RARB: variants seen among roughly 807,000 people sequenced by gnomAD.
RARB encodes the protein retinoic acid receptor beta.
A neutral mutation model predicts 51.9 loss-of-function variants in RARB; 17 were observed. That is an observed-to-expected ratio of 0.33 (90% confidence interval 0.22 to 0.49). RARB has a LOEUF of 0.49. RARB is among the 20% of genes least tolerant of loss of function. The probability of loss-of-function intolerance (pLI) is 0.99; values close to 1 mark genes in which losing one functional copy is unlikely to be tolerated. For missense variants in RARB, 369 were observed against 550.8 expected, an observed-to-expected ratio of 0.67 and a Z score of 3.30; for synonymous variants, 215 against 195.4, an observed-to-expected ratio of 1.10 and a Z score of -0.84.
chr3:25,299,880 A>G lies in RARB; in HGVS notation c.178+125305A>G, dbSNP rs996393525. On this transcript the variant is annotated intron_variant, in intron 5 of 11. Coordinates refer to the RARB transcript ENST00000383772. ...ATTTGCTTTTGCCCCCTTGCAACTG[A>G]CTGTGGAAAAGTCAAATAATTGCAT... Among the ~76,000 whole-genome samples the G allele has an allele frequency of 2.0e-5, 3 of 152,330 alleles. No individual in the cohort carries two copies. In the East Asian group the frequency reaches 5.8e-4, roughly 29 times the overall value.
intron 1 of RARB, among the ~76,000 whole-genome samples, chr3:25,456,018 C>T (rs1179054568): frequency 6.6e-6 from 1 of 152,180 alleles, no homozygotes; most frequent in Non-Finnish European, 1.5e-5. Flanking sequence ...AGTCTAAAAA[C>T]TGCTTTTTTG....
chr3:25,514,106 A>G lies in RARB; in HGVS notation c.448+12783A>G, dbSNP rs147712736. 1.9e-4 allele frequency among the ~76,000 whole-genome samples: 29 copies of G among 152,302 alleles called. No homozygotes were observed. The East Asian group carries it at 4.8e-3, about 25-fold the overall frequency. On this transcript the variant is annotated intron_variant, in intron 3 of 7. Transcript: ENST00000330688. ...TTCTCCTGCAGTCCCTGTGTTCTGG[A>G]GCAATGAACATGGCCCTTTAAGTAC...
At chr3:24,888,373 CG>C (rs1240807483) in intron 2 of RARB, among the ~76,000 whole-genome samples, 2 of 151,872 alleles carry the variant, frequency 1.3e-5, no homozygotes, top group African/African-American at 2.4e-5. Flanking sequence ...TGGTAGGAGC[CG>C]GGATTTGAAC....
chr3:25,078,261 T>C (rs1378830727), intron 3 of RARB, among the ~76,000 whole-genome samples: 1 of 152,186 alleles, frequency 6.6e-6, no homozygotes, highest in Non-Finnish European at 1.5e-5. Context: ...ATTTTATCTT[T>C]TTATCTCGGG....
chr3:24,860,652 A>G (rs995107696), intron 2 of RARB, among the ~76,000 whole-genome samples: 2 of 152,204 alleles, frequency 1.3e-5, no homozygotes, highest in East Asian at 1.9e-4. Context: ...AGAAGAGAGC[A>G]TTGCATGCAG....
chr3:25,119,249 A>G (rs1358146192), intron 3 of RARB, among the ~76,000 whole-genome samples: 1 of 152,152 alleles, frequency 6.6e-6, no homozygotes, highest in Admixed American at 6.5e-5. Flanking sequence ...TTCTATGGTC[A>G]TCTACTGGCA....
intron 2 of RARB, among the ~76,000 whole-genome samples, chr3:24,953,713 ATTC>A (rs1481846914): frequency 1.3e-5 from 2 of 152,168 alleles, no homozygotes; most frequent in East Asian, 1.9e-4. Context: ...TTCAAAAACA[ATTC>A]TTCTGTCAAA....
intron 3 of RARB, among the ~76,000 whole-genome samples, chr3:25,506,479 G>A (rs1455880045): frequency 6.6e-6 from 1 of 151,784 alleles, no homozygotes; most frequent in Non-Finnish European, 1.5e-5. Context: ...GTGATGGTGT[G>A]GACCTGTGGT....
chr3:24,938,044 GCA>G (rs926492106), intron 2 of RARB, among the ~76,000 whole-genome samples: 2 of 38,458 alleles, frequency 5.2e-5, no homozygotes, highest in Non-Finnish European at 1.0e-4. Flanking sequence ...GCACACATGC[GCA>G]CACACACTCT....
At chr3:25,322,422 C>T (rs182601524) in intron 5 of RARB, among the ~76,000 whole-genome samples, 12 of 152,266 alleles carry the variant, frequency 7.9e-5, no homozygotes, top group Admixed American at 7.8e-4. Flanking sequence ...AAAATATTGA[C>T]TTGACCACAA....
chr3:25,090,381 G>A (rs931259317), intron 3 of RARB, among the ~76,000 whole-genome samples: 73 of 152,028 alleles, frequency 4.8e-4, no homozygotes, highest in African/African-American at 1.7e-3. Flanking sequence ...ATGTTAACTT[G>A]TTTTGCACAA....
chr3:24,917,015 TA>T (rs1460265734), intron 2 of RARB, among the ~76,000 whole-genome samples: 2 of 152,290 alleles, frequency 1.3e-5, no homozygotes, highest in African/African-American at 2.4e-5. Flanking sequence ...CAGATATAAC[TA>T]ATTTATGAAG....
At chr3:25,569,976 G>C (rs1700645049) in intron 4 of RARB, 58 bp downstream of exon 4, 3 of 1,475,936 alleles carry the variant, frequency 2.0e-6, no homozygotes, top group Middle Eastern at 2.0e-4. Flanking sequence ...ACGTGCATGT[G>C]TGCAGACACA....
chr3:25,492,817 C>T (rs1377947726), intron 2 of RARB, among the ~76,000 whole-genome samples: 2 of 152,052 alleles, frequency 1.3e-5, no homozygotes, highest in African/African-American at 4.8e-5. Flanking sequence ...TGAAAGGAGA[C>T]TTTTAGGCCT....
intron 3 of RARB, among the ~76,000 whole-genome samples, chr3:25,122,755 A>T (rs903429380): frequency 1.5e-4 from 23 of 152,166 alleles, no homozygotes; most frequent in African/African-American, 4.8e-4. Context: ...AAGACGGAGG[A>T]TGGATTTTGG....
rs1698077269 is a variant in RARB, at chr3:25,039,845, G to A, written c.-379-20280G>A. ...AGTGGAGAATTGTTGCATAGATTTT[G>A]CAGAAAATTAGACGTGGCCCATGGG... On this transcript the variant is annotated intron_variant, in intron 2 of 11. Coordinates refer to the RARB transcript ENST00000383772. Among the ~76,000 whole-genome samples, 4 of 152,318 alleles carry A rather than the reference G, an allele frequency of 2.6e-5. No individual in the cohort carries two copies. The South Asian group carries it at 8.3e-4, about 32-fold the overall frequency.
At chr3:25,253,300 CCT>C (rs1702776280) in intron 5 of RARB, among the ~76,000 whole-genome samples, 1 of 152,022 alleles carries the variant, frequency 6.6e-6, no homozygotes, top group Non-Finnish European at 1.5e-5. Flanking sequence ...CCGTATTTTG[CCT>C]ATCTTAAAAG....
chr3:25,484,070 C>G (rs1445313991), intron 2 of RARB, among the ~76,000 whole-genome samples: 4 of 152,176 alleles, frequency 2.6e-5, no homozygotes, highest in Non-Finnish European at 2.9e-5. Flanking sequence ...GAAGGATGAG[C>G]TAAATTAAAA....
rs559850796 is a variant in RARB, at chr3:25,455,275, A to G, written c.158-5918A>G. Among the ~76,000 whole-genome samples, 201 of 152,126 alleles carry G rather than the reference A, an allele frequency of 1.3e-3. 2 individuals are homozygous for G. The highest frequency in any genetic ancestry group is 4.2e-3 in the African/African-American group (174 of 41,500). The stretch of plus-strand genomic sequence containing the variant: ...ACGTCGTTGTTTTTCCTTAACTCCT[A>G]TTTCCTGGAGATTCATTTGTATTGA... On this transcript the variant is annotated intron_variant, in intron 1 of 7. Coordinates refer to ENST00000330688, the MANE Select transcript of RARB (RefSeq NM_000965.5).
Sources: allele counts gnomAD v4.1 joint callset (sites outside exome capture counted in the v4.1 genomes callset), GRCh38; gene constraint gnomAD v4.1.1; transcripts MANE v1.5; gene names NCBI Gene and HGNC (gene_info 2026-07-23, HGNC 2026-07-21).